Variants in ZNF665 observed in about 807,000 individuals in gnomAD.
ZNF665 encodes the protein zinc finger protein 665.
In ZNF665, 6 loss-of-function variants were observed where a neutral mutation model predicts 7.9. That is an observed-to-expected ratio of 0.76 (90% confidence interval 0.42 to 1.50). The LOEUF (loss-of-function observed/expected upper bound fraction) is 1.50. Among genes scored for constraint, ZNF665 ranks in the 40% most tolerant of loss-of-function variants. The pLI is 0.01. For missense variants in ZNF665, 819 were observed against 806.7 expected, an observed-to-expected ratio of 1.02 and a Z score of -0.18; for synonymous variants, 242 against 274.5, an observed-to-expected ratio of 0.88 and a Z score of 1.17.
rs2090572776 is a variant in ZNF665, at chr19:53,162,494, G to A, written c.*1959C>T. 2 of 152,258 alleles carry A rather than the reference G, an allele frequency of 1.3e-5. No homozygotes were observed. The highest frequency in any genetic ancestry group is 2.4e-5 in the African/African-American group (1 of 41,562). The allele number at this position is 152,258 out of a possible 1,614,324, so 9.4% of individuals were successfully genotyped here. On this transcript the variant is annotated 3_prime_UTR_variant, in exon 4 of 4. Transcript: ENST00000396424. ...ATGCATTCTTAAATAGTAGCAAAAT[G>A]TGATTCCAGCAGTTAATGTAAATCC...
chr19:53,163,820 C>A lies in ZNF665; in HGVS notation c.*633G>T, dbSNP rs2090581573. On this transcript the variant is annotated 3_prime_UTR_variant, in exon 4 of 4. Coordinates refer to ENST00000396424, the MANE Select transcript of ZNF665 (RefSeq NM_024733.5). ...CAGAGGGTTATGAGGAAACTAGAGA[C>A]TGAGTTCTACTCTTCCTATGAATCC... 1 of 152,212 alleles carries A rather than the reference C, an allele frequency of 6.6e-6. No homozygotes were observed. The highest frequency in any genetic ancestry group is 2.1e-4 in the South Asian group (1 of 4,830). 9.4% of individuals were successfully genotyped at this position (152,212 alleles called of 1,614,324 possible). A position where few individuals can be genotyped will look rare whatever the true frequency, so the allele number is the denominator to read the frequency against.
At chr19:53,183,688 C>A (rs4803056) in intron 1 of ZNF665, among the ~76,000 whole-genome samples, 1 of 151,758 alleles carries the variant, frequency 6.6e-6, no homozygotes, top group African/African-American at 2.4e-5. Flanking sequence ...CACGGAAGTC[C>A]CCACTGAGGA....
Position 53,166,015 on chromosome 19 carries a change from C to T in ZNF665, c.475G>A (p.Gly159Arg). ...ACTTGATTGTATTCATAAATTTTCC[C>T]TTCATGTTGAAATTGCTGCAGTTCA... ...LPELQQFQHEGKIYEYNQVEK... is the reference protein window; with the variant it reads ...LPELQQFQHERKIYEYNQVEK... The change falls in exon 4 of 4, where the codon GGG (glycine) becomes AGG (arginine). Residue 159 changes from glycine to arginine, a missense_variant. Gly to Arg is a moderately radical substitution (Grantham distance 125, BLOSUM62 -2). Transcript: ENST00000396424. 1.2e-6 allele frequency: 2 copies of T among 1,613,924 alleles called. No homozygotes were observed. The highest frequency in any genetic ancestry group is 2.2e-5 in the East Asian group (1 of 44,878).
At chr19:53,191,834 T>G (rs1185001258) in intron 1 of ZNF665, 1 of 152,072 alleles carries the variant, frequency 6.6e-6, no homozygotes, top group Non-Finnish European at 1.5e-5. Flanking sequence ...TAGAGTGAGA[T>G]TCTGTCTTAA....
chr19:53,190,192 A>G (rs4294924), intron 1 of ZNF665: 124,310 of 152,156 alleles, frequency 0.82, 51,851 homozygotes, highest in Non-Finnish European at 0.9. Context: ...TTGCCTTGGC[A>G]CCTGGGTGGC....
intron 1 of ZNF665, among the ~76,000 whole-genome samples, chr19:53,190,033 G>T (rs8111668): frequency 1.3e-5 from 2 of 152,156 alleles, no homozygotes; most frequent in South Asian, 4.1e-4. Flanking sequence ...ATTATAGAGC[G>T]AGGATTATTA....
At chr19:53,179,943 G>T (rs1277204907) in intron 2 of ZNF665, 1 of 152,026 alleles carries the variant, frequency 6.6e-6, no homozygotes, top group African/African-American at 2.4e-5. Flanking sequence ...TTGTGGTGTT[G>T]GTGTGAGAGC....
Position 53,171,524 on chromosome 19 carries a change from ATTTT to A in ZNF665, c.142+3917_142+3920del, listed in dbSNP as rs1215685651. ...TGTGTGTATATATATATATATATAT[ATTTT>A]TTTTTTTTTTTTCTTTTTTTAGACG... is the stretch of plus-strand genomic sequence containing the variant. On this transcript the variant is annotated intron_variant, in intron 3 of 3. Transcript: ENST00000396424. Among the ~76,000 whole-genome samples, 14 of 69,324 alleles carry A rather than the reference ATTTT, an allele frequency of 2.0e-4. No homozygotes were observed. In the Admixed American group the frequency reaches 3.1e-3, roughly 15 times the overall value. 45.5% of individuals were successfully genotyped at this position (69,324 alleles called of 152,430 possible). A position where few individuals can be genotyped will look rare whatever the true frequency, so the allele number is the denominator to read the frequency against.
chr19:53,166,751 A>G (rs1235360734), intron 3 of ZNF665, among the ~76,000 whole-genome samples: 1 of 152,218 alleles, frequency 6.6e-6, no homozygotes, highest in Non-Finnish European at 1.5e-5. Context: ...TAAATGCTGA[A>G]GCACAACATG....
chr19:53,185,200 C>T (rs554757095), intron 1 of ZNF665, among the ~76,000 whole-genome samples: 1 of 151,898 alleles, frequency 6.6e-6, no homozygotes, highest in African/African-American at 2.4e-5. Flanking sequence ...AAGGGAGACT[C>T]CCTTCCCCAG....
intron 1 of ZNF665, among the ~76,000 whole-genome samples, chr19:53,185,386 G>A (rs183529622): frequency 3.4e-4 from 51 of 151,686 alleles, no homozygotes; most frequent in South Asian, 3.3e-3. Flanking sequence ...ACTTCTCACT[G>A]TGTCCCCTCA....
At chr19:53,184,236 C>T (rs917094255) in intron 1 of ZNF665, among the ~76,000 whole-genome samples, 8 of 151,800 alleles carry the variant, frequency 5.3e-5, no homozygotes, top group South Asian at 2.1e-4. Flanking sequence ...GGCGACAGAG[C>T]GAGACCCTGT....
chr19:53,182,366 G>T, intron 2 of ZNF665: 1 of 315,058 alleles, frequency 3.2e-6, no homozygotes, highest in South Asian at 3.7e-5. Context: ...GCGAGACTCT[G>T]TCTCAACAAA....
chr19:53,183,670 G>A (rs1353461636), intron 1 of ZNF665, among the ~76,000 whole-genome samples: 1 of 152,106 alleles, frequency 6.6e-6, no homozygotes, highest in African/African-American at 2.4e-5. Flanking sequence ...GGGGGTCAGG[G>A]AGAGGGTCAC....
intron 2 of ZNF665, among the ~76,000 whole-genome samples, chr19:53,177,623 G>A (rs576440901): frequency 9.9e-5 from 15 of 152,048 alleles, no homozygotes; most frequent in South Asian, 2.1e-4. Flanking sequence ...ATATTATGTC[G>A]GACACATCAA....
At chr19:53,171,524 A>ATATATATATAT (rs372855271) in intron 3 of ZNF665, among the ~76,000 whole-genome samples, 1,021 of 69,286 alleles carry the variant, frequency 0.015, 10 homozygotes, top group Non-Finnish European at 0.019. Context: ...ATATATATAT[A>ATATATATATAT]TTTTTTTTTT....
intron 1 of ZNF665, among the ~76,000 whole-genome samples, chr19:53,185,807 G>A (rs188697810): frequency 1.2e-4 from 18 of 152,060 alleles, no homozygotes; most frequent in Admixed American, 3.3e-4. Flanking sequence ...CAGGAAAACA[G>A]AAGAGAAAGT....
intron 2 of ZNF665, among the ~76,000 whole-genome samples, chr19:53,180,276 T>C (rs1436663424): frequency 6.6e-6 from 1 of 151,830 alleles, no homozygotes; most frequent in Non-Finnish European, 1.5e-5. Flanking sequence ...CTACTAAAAA[T>C]ACAAAAATTA....
chr19:53,187,095 G>A (rs1599886800), intron 1 of ZNF665, among the ~76,000 whole-genome samples: 1 of 27,536 alleles, frequency 3.6e-5, no homozygotes, highest in African/African-American at 2.1e-4. Flanking sequence ...CTGGCCAGGC[G>A]GGGGGCTGAC....
Sources: allele counts gnomAD v4.1 joint callset (sites outside exome capture counted in the v4.1 genomes callset), GRCh38; gene constraint gnomAD v4.1.1; transcripts MANE v1.5; gene names NCBI Gene and HGNC (gene_info 2026-07-23, HGNC 2026-07-21).